EFL1: variants seen among roughly 807,000 people sequenced by gnomAD.
The protein encoded by EFL1 is elongation factor like GTPase 1.
In EFL1, 76 loss-of-function variants were observed where a neutral mutation model predicts 126.7. That is an observed-to-expected ratio of 0.60 (90% CI 0.50 to 0.73). The LOEUF (loss-of-function observed/expected upper bound fraction) is 0.73. Ranked by LOEUF, EFL1 falls within the 30% of genes least tolerant of loss-of-function variation. The pLI, the probability that EFL1 is intolerant of heterozygous loss-of-function variation, is 0.00. For synonymous variants in EFL1, 410 were observed against 448.4 expected (o/e 0.91, Z 1.08); for missense variants, 1,128 against 1,343.2 (o/e 0.84, Z 2.50).
chr15:82,155,042 C>G (rs1198448335), intron 17 of EFL1, among the ~76,000 whole-genome samples: 1 of 152,148 alleles, frequency 6.6e-6, no homozygotes, highest in Non-Finnish European at 1.5e-5. Context: ...GAAGTGGCTT[C>G]TTCTGTTCAA....
intron 15 of EFL1, among the ~76,000 whole-genome samples, chr15:82,172,652 A>G (rs1005106916): frequency 6.6e-6 from 1 of 152,202 alleles, no homozygotes; most frequent in African/African-American, 2.4e-5. Flanking sequence ...TGGAATTACC[A>G]CGTAAATCAA....
At chr15:82,248,100 A>G (rs1180565419) in intron 4 of EFL1, among the ~76,000 whole-genome samples, 1 of 152,142 alleles carries the variant, frequency 6.6e-6, no homozygotes, top group Non-Finnish European at 1.5e-5. Context: ...CATGTGTAAA[A>G]TCAGAGTAAT....
chr15:82,238,671 G>C, intron 6 of EFL1, 150 bp from the exon 7 acceptor site: 1 of 653,752 alleles, frequency 1.5e-6, no homozygotes, highest in Non-Finnish European at 2.6e-6. Context: ...TTCATAATCA[G>C]TGAATAACTT....
intron 7 of EFL1, among the ~76,000 whole-genome samples, chr15:82,231,419 C>CCTA (rs2074821053): frequency 1.3e-5 from 2 of 151,980 alleles, no homozygotes; most frequent in Admixed American, 1.3e-4. Context: ...TTTTTATTAT[C>CCTA]CTAGATTAAT....
rs754814972 is a variant in EFL1, at chr15:82,227,496, T to C, written c.1146A>G (p.Ser382=). 4 of 1,614,086 alleles carry C rather than the reference T, an allele frequency of 2.5e-6. No homozygotes were observed. Among genetic ancestry groups the C allele is most frequent in the African/African-American group, 2.7e-5 (2 of 74,936 alleles). Residue 382 remains serine (S), a synonymous_variant, in exon 11 of 20, where the codon TCA becomes TCG. Transcript: ENST00000268206. ...CTGGTGGAAAAGAGTCAAAAGTTTG[T>C]GATCCTGTGCACATCAGTCTCTCCA... ...ERVERLMCTG[S]QTFDSFPPET...
intron 1 of EFL1, chr15:82,262,090 G>A (rs545745091): frequency 1.2e-4 from 30 of 257,718 alleles, no homozygotes; most frequent in African/African-American, 6.4e-4. Context: ...TAACCCTGCC[G>A]GTGGAGGAGT....
rs188727377 is a variant in EFL1 at position 82,157,996 on chromosome 15, T to A, written c.1883-136A>T. ...AACAATTTATTTTTCTTCCAGATAG[T>A]GTAGTGATGTGAAGAAAACTACCTT... On this transcript the variant is annotated intron_variant, in intron 16 of 19. Transcript: ENST00000268206. 7,843 of 1,031,974 alleles carry A rather than the reference T, an allele frequency of 7.6e-3. 30 individuals are homozygous for A. Among genetic ancestry groups the A allele is most frequent in the Non-Finnish European group, 9.2e-3 (6,897 of 746,308 alleles). 63.9% of individuals were successfully genotyped at this position (1,031,974 alleles called of 1,614,324 possible).
rs1463467258 is a variant in EFL1, at chr15:82,209,018, T to C, written c.1750+5699A>G. Among the ~76,000 whole-genome samples the C allele has an allele frequency of 6.6e-5, 10 of 152,116 alleles. 1 individual carries two copies. The East Asian group carries it at 1.9e-3, about 29-fold the overall frequency. On this transcript the variant is annotated intron_variant, in intron 15 of 19. Transcript: ENST00000268206. ...AAAAAAGAGAATAAAATCATTACTA[T>C]CTGTAAAAGAAAAGCCATTAAAATC...
In EFL1 at chr15:82,176,881, C is replaced by T. The variant is rs72749551; in HGVS notation, c.1751-12897G>A. On this transcript the variant is annotated intron_variant, in intron 15 of 19. Coordinates refer to ENST00000268206, the MANE Select transcript of EFL1 (RefSeq NM_024580.6). ...TACTGGAAATTACTTAAATATCCACCAACAGAAGAGTGGATAAATAAACTG... is the reference window on the plus strand; with the variant it reads ...TACTGGAAATTACTTAAATATCCACTAACAGAAGAGTGGATAAATAAACTG... Among the ~76,000 whole-genome samples, 1,051 of 152,182 alleles carry T rather than the reference C, an allele frequency of 6.9e-3. 9 individuals carry two copies. Among genetic ancestry groups the T allele is most frequent in the Non-Finnish European group, 8.2e-3 (556 of 68,004 alleles).
intron 15 of EFL1, among the ~76,000 whole-genome samples, chr15:82,190,743 T>C (rs1383923192): frequency 2.0e-5 from 3 of 152,210 alleles, no homozygotes; most frequent in African/African-American, 7.2e-5. Flanking sequence ...TAAGTGATAA[T>C]ACTGATTAAT....
At chr15:82,223,941 T>C (rs2141307234) in intron 12 of EFL1, among the ~76,000 whole-genome samples, 1 of 152,296 alleles carries the variant, frequency 6.6e-6, no homozygotes, top group Middle Eastern at 3.4e-3. Flanking sequence ...AATTATTGAA[T>C]ACACTTAATG....
chr15:82,209,470 T>A (rs1404251160), intron 15 of EFL1, among the ~76,000 whole-genome samples: 3 of 152,328 alleles, frequency 2.0e-5, no homozygotes, highest in Non-Finnish European at 4.4e-5. Flanking sequence ...AAGAATATCA[T>A]GTTTCCTCTC....
chr15:82,212,548 G>C (rs909953431), intron 15 of EFL1, among the ~76,000 whole-genome samples: 1 of 152,158 alleles, frequency 6.6e-6, no homozygotes, highest in African/African-American at 2.4e-5. Flanking sequence ...AATTCAAAAA[G>C]CCCCATCAAA....
intron 18 of EFL1, among the ~76,000 whole-genome samples, chr15:82,147,405 G>A (rs535695166): frequency 1.3e-5 from 2 of 152,090 alleles, no homozygotes; most frequent in African/African-American, 2.4e-5. Flanking sequence ...CGAGGCGGGC[G>A]GATCACTTGA....
intron 15 of EFL1, among the ~76,000 whole-genome samples, chr15:82,197,607 T>C (rs1303466637): frequency 1.3e-5 from 2 of 151,882 alleles, no homozygotes; most frequent in Non-Finnish European, 2.9e-5. Flanking sequence ...TTTTTCCAAC[T>C]AGAAACAACC....
chr15:82,183,338 G>T (rs931357076), intron 15 of EFL1, among the ~76,000 whole-genome samples: 4 of 152,112 alleles, frequency 2.6e-5, no homozygotes, highest in Non-Finnish European at 5.9e-5. Flanking sequence ...AAATAAACTT[G>T]GCAGCAAAGT....
At chr15:82,218,927 G>A (rs1045357655) in intron 14 of EFL1, among the ~76,000 whole-genome samples, 3 of 152,060 alleles carry the variant, frequency 2.0e-5, no homozygotes, top group African/African-American at 7.3e-5. Flanking sequence ...TCTACAGACA[G>A]GCTGCTTCCT....
chr15:82,186,574 G>A (rs1374032604), intron 15 of EFL1, among the ~76,000 whole-genome samples: 1 of 152,076 alleles, frequency 6.6e-6, no homozygotes, highest in East Asian at 1.9e-4. Context: ...AGCATTCATT[G>A]CCTTTATTTT....
Position 82,261,793 on chromosome 15 carries a change from T to C in EFL1, c.-15A>G. The C allele has an allele frequency of 6.2e-7, 1 of 1,610,136 alleles. No individual in the cohort carries two copies. Among genetic ancestry groups the C allele is most frequent in the Non-Finnish European group, 8.5e-7 (1 of 1,178,496 alleles). On this transcript the variant is annotated 5_prime_UTR_variant, in exon 2 of 20. Coordinates refer to ENST00000268206, the MANE Select transcript of EFL1 (RefSeq NM_024580.6). ...TTGAGCACCATGATTACTTATTTCCTGTGACTAAAAATTAAATATGTATTA... is the reference window on the plus strand; with the variant it reads ...TTGAGCACCATGATTACTTATTTCCCGTGACTAAAAATTAAATATGTATTA...
Sources: gnomAD v4.1 joint callset for allele counts (sites outside exome capture counted in the v4.1 genomes callset) on GRCh38, gnomAD v4.1.1 for gene constraint, MANE v1.5 for transcripts, NCBI Gene and HGNC (gene_info 2026-07-23, HGNC 2026-07-21) for gene names.